The following COL4A2 variants were observed in gnomAD, a reference collection of about 807,000 sequenced individuals.
The protein encoded by COL4A2 is collagen alpha-2(IV) chain.
COL4A2 carries 99 observed loss-of-function variants against 200.2 expected under a neutral mutation model. The observed-to-expected ratio is 0.49, with a 90% CI of 0.42 to 0.58. The LOEUF (loss-of-function observed/expected upper bound fraction) is 0.58, where lower values mean the gene tolerates loss of function less well. Ranked by LOEUF, COL4A2 falls within the 20% of genes least tolerant of loss-of-function variation. COL4A2 has a pLI of 0.00. For missense variants in COL4A2, 1,950 were observed against 2,314.1 expected, an observed-to-expected ratio of 0.84 and a Z score of 3.23; for synonymous variants, 897 against 900.6, an observed-to-expected ratio of 1.00 and a Z score of 0.07.
intron 3 of COL4A2, among the ~76,000 whole-genome samples, chr13:110,351,922 T>C (rs1876975681): frequency 6.6e-6 from 1 of 152,282 alleles, no homozygotes; most frequent in Middle Eastern, 3.4e-3. Context: ...GGCTGTCAGC[T>C]GAGTAGGGAC....
chr13:110,438,553 T>TG (rs754833001), intron 14 of COL4A2, 65 bp from the exon 15 acceptor site: 9 of 1,588,294 alleles, frequency 5.7e-6, no homozygotes, highest in African/African-American at 1.3e-5. Context: ...GGATGACACG[T>TG]GGGCCCTGTT....
At chr13:110,404,333 T>C (rs1006066877) in intron 4 of COL4A2, among the ~76,000 whole-genome samples, 3 of 152,224 alleles carry the variant, frequency 2.0e-5, no homozygotes, top group African/African-American at 7.2e-5. Context: ...ACCAGACTTA[T>C]AAAAATCAAT....
chr13:110,388,125 A>G (rs1258650500), intron 4 of COL4A2, among the ~76,000 whole-genome samples: 1 of 152,256 alleles, frequency 6.6e-6, no homozygotes, highest in African/African-American at 2.4e-5. Flanking sequence ...ACAGGGGCCT[A>G]TGTAAGCTTC....
intron 34 of COL4A2, among the ~76,000 whole-genome samples, chr13:110,487,845 T>G (rs754896324): frequency 3.3e-5 from 5 of 152,224 alleles, no homozygotes; most frequent in African/African-American, 4.8e-5. Context: ...CAGTGTTCTG[T>G]GTCTTTCAGT....
intron 20 of COL4A2, among the ~76,000 whole-genome samples, chr13:110,451,499 A>G (rs4075335): frequency 0.1 from 15,697 of 152,208 alleles, 896 homozygotes; most frequent in South Asian, 0.17. Flanking sequence ...GAAATTTACA[A>G]TCATGGCAGA....
chr13:110,315,638 C>T (rs1473218521), intron 3 of COL4A2, among the ~76,000 whole-genome samples: 1 of 152,174 alleles, frequency 6.6e-6, no homozygotes, highest in South Asian at 2.1e-4. Context: ...TCAGGTGATC[C>T]GCCTACCTCA....
In COL4A2 at chr13:110,307,713, C is replaced by G. The variant is rs1457753259; in HGVS notation, c.-44-147C>G. 2 of 733,874 alleles carry G rather than the reference C, an allele frequency of 2.7e-6. No individual in the cohort carries two copies. Among genetic ancestry groups the G allele is most frequent in the Non-Finnish European group, 4.3e-6 (2 of 460,740 alleles). The allele number at this position is 733,874 out of a possible 1,614,324, so 45.5% of individuals were successfully genotyped here. On this transcript the variant is annotated intron_variant, in intron 1 of 47. Transcript: ENST00000360467. This position sits in a 1 kb window ranked among gnomAD's most constrained non-coding sequence, Gnocchi z 5.0. ...GCCTAACGGGAGGCTCTCCTTCTTT[C>G]CGGGTCGTGGGGGGGACGGCCCTCC...
chr13:110,368,482 A>T (rs946385046), intron 4 of COL4A2, among the ~76,000 whole-genome samples: 8 of 152,224 alleles, frequency 5.3e-5, no homozygotes, highest in Admixed American at 1.3e-4. Flanking sequence ...CATGCCTTTG[A>T]CTAGACATAA....
chr13:110,478,117 C>G lies in COL4A2; in HGVS notation c.2540C>G (p.Pro847Arg). The change falls in exon 30 of 48, where the codon CCT becomes CGT. Residue 847 changes from proline to arginine, a missense_variant. Physicochemically the swap from Pro to Arg is moderately radical, Grantham distance 103. Coordinates refer to ENST00000360467, the MANE Select transcript of COL4A2 (RefSeq NM_001846.4). ...GGACTGCATGGATTCCCAGGAGCTC[C>G]TGGCCAAGAGGGGCCCTTGGGGCTG... ...PPGLHGFPGA[P>R]GQEGPLGLPG... is the part of the protein sequence containing the mutation. The G allele has an allele frequency of 6.2e-7, 1 of 1,600,374 alleles. No homozygotes were observed. The highest frequency in any genetic ancestry group is 1.1e-5 in the South Asian group (1 of 89,442).
At chr13:110,310,960 G>C (rs1451190902) in intron 3 of COL4A2, among the ~76,000 whole-genome samples, 1 of 152,196 alleles carries the variant, frequency 6.6e-6, no homozygotes, top group Non-Finnish European at 1.5e-5. Context: ...AGACGGATTA[G>C]AACCCAGGCC....
chr13:110,352,815 C>T (rs1048973384), intron 3 of COL4A2, among the ~76,000 whole-genome samples: 5 of 152,266 alleles, frequency 3.3e-5, no homozygotes, highest in African/African-American at 4.8e-5. Context: ...AAACTGGTCC[C>T]GCCAGGCCTT....
intron 3 of COL4A2, among the ~76,000 whole-genome samples, chr13:110,325,075 A>G (rs1016955670): frequency 3.3e-5 from 5 of 152,234 alleles, no homozygotes; most frequent in African/African-American, 1.2e-4. Context: ...GAGGCATCGT[A>G]ACTGACTGTA....
intron 4 of COL4A2, among the ~76,000 whole-genome samples, chr13:110,412,350 C>T (rs1408907879): frequency 1.3e-5 from 2 of 152,172 alleles, no homozygotes; most frequent in Non-Finnish European, 2.9e-5. Flanking sequence ...AAAACAATCT[C>T]AAAATCTTTG....
At chr13:110,429,459 A>G (rs1880593941) in intron 7 of COL4A2, 1 of 175,254 alleles carries the variant, frequency 5.7e-6, no homozygotes, top group Admixed American at 5.7e-5. Flanking sequence ...TACTGTTTAT[A>G]TTTGACACAA....
intron 4 of COL4A2, among the ~76,000 whole-genome samples, chr13:110,392,793 T>G (rs973383285): frequency 6.6e-6 from 1 of 152,172 alleles, no homozygotes; most frequent in African/African-American, 2.4e-5. Flanking sequence ...TCCCTCCTCT[T>G]TAACTATAAA....
chr13:110,409,349 C>G (rs1879740865), intron 4 of COL4A2, among the ~76,000 whole-genome samples: 4 of 152,206 alleles, frequency 2.6e-5, no homozygotes, highest in Admixed American at 2.6e-4. Context: ...GCAAAGAAAG[C>G]AAGAATGTAC....
In COL4A2 at chr13:110,428,474, CG is replaced by C; in HGVS notation, c.372del (p.Gln125LysfsTer121). On this transcript the variant is annotated frameshift_variant, in exon 7 of 48. Transcript: ENST00000360467. LOFTEE classifies it high-confidence loss of function. Reference protein sequence around the residue: ...FPGADGIPGHPGQGGPRGRPG... With the variant: ...FPGADGIPGHXGQGGPRGRPG... The stretch of plus-strand genomic sequence containing the variant: ...CACTGCTCTCTTTCCCAGGGACACC[CG>C]GGGCAAGGTGGGCCCAGGGGAAGGC... 6.4e-7 allele frequency: 1 copy of C among 1,573,798 alleles called. No homozygotes were observed. The highest frequency in any genetic ancestry group is 2.4e-5 in the East Asian group (1 of 41,024).
At chr13:110,455,549 G>A (rs1215356111) in intron 20 of COL4A2, among the ~76,000 whole-genome samples, 1 of 152,134 alleles carries the variant, frequency 6.6e-6, no homozygotes, top group Non-Finnish European at 1.5e-5. Context: ...TGTTTAATGT[G>A]TGTCTCCACG....
At chr13:110,400,475 T>C (rs1342873008) in intron 4 of COL4A2, among the ~76,000 whole-genome samples, 1 of 152,202 alleles carries the variant, frequency 6.6e-6, no homozygotes, top group Non-Finnish European at 1.5e-5. Context: ...AAACACGTAT[T>C]CAAAATTAAG....
Sources: allele counts gnomAD v4.1 joint callset (sites outside exome capture counted in the v4.1 genomes callset), GRCh38; gene constraint gnomAD v4.1.1; non-coding constraint Gnocchi (gnomAD v3.1); transcripts MANE v1.5; gene names NCBI Gene and HGNC (gene_info 2026-07-23, HGNC 2026-07-21).